The following BNC2 variants were observed in gnomAD, a reference collection of about 807,000 sequenced individuals.
BNC2 encodes zinc finger protein basonuclin-2.
A neutral mutation model predicts 76.3 loss-of-function variants in BNC2; 20 were observed. That is an observed-to-expected ratio of 0.26 (90% CI 0.18 to 0.38). The LOEUF is 0.38. BNC2 is among the 10% of genes least tolerant of loss of function. BNC2 has a pLI of 1.00. For synonymous variants in BNC2, 582 were observed against 514.8 expected (o/e 1.13, Z -1.77); for missense variants, 1,382 against 1,399.8 (o/e 0.99, Z 0.20).
At chr9:16,425,066 A>C (rs768612820) in intron 6 of BNC2, among the ~76,000 whole-genome samples, 6 of 152,196 alleles carry the variant, frequency 3.9e-5, no homozygotes. Flanking sequence ...AACACTCAAA[A>C]AGCCCCAAAT....
intron 6 of BNC2, among the ~76,000 whole-genome samples, chr9:16,422,943 G>A (rs1372317293): frequency 6.6e-6 from 1 of 152,150 alleles, no homozygotes; most frequent in Non-Finnish European, 1.5e-5. Flanking sequence ...AAGTTTATCC[G>A]GATCAGCAAA....
chr9:16,642,247 A>G (rs1821510374), intron 3 of BNC2, among the ~76,000 whole-genome samples: 1 of 152,180 alleles, frequency 6.6e-6, no homozygotes, highest in Admixed American at 6.5e-5. Flanking sequence ...AAGGAAAAGG[A>G]GAAAGAAAAC....
At position 16,463,733 on chromosome 9, in the gene BNC2, T is replaced by C. The variant is rs147922774; in HGVS notation, c.670-26209A>G. Among the ~76,000 whole-genome samples, 31 of 152,134 alleles carry C rather than the reference T, an allele frequency of 2.0e-4. No individual in the cohort carries two copies. In the East Asian group the frequency reaches 5.8e-3, roughly 29 times the overall value. On this transcript the variant is annotated intron_variant, in intron 5 of 6. Coordinates refer to ENST00000380672, the MANE Select transcript of BNC2 (RefSeq NM_017637.6). ...TGATAGGAGATTATTTTCTAATTCCTCCTCCAACTACAAAATTCACAACTG... is the reference window on the plus strand; with the variant it reads ...TGATAGGAGATTATTTTCTAATTCCCCCTCCAACTACAAAATTCACAACTG...
At chr9:16,754,398 ACAAACTTG>A (rs777173679) in intron 1 of BNC2, among the ~76,000 whole-genome samples, 8 of 152,198 alleles carry the variant, frequency 5.3e-5, no homozygotes, top group Non-Finnish European at 1.5e-5. Flanking sequence ...CCCCAACCCA[ACAAACTTG>A]CAAACTGACC....
rs1045497079 is a variant in BNC2, at chr9:16,788,394, A to C, written c.4-49909T>G. ...TGGTGAAACCCCGTCTCTACCAAAA[A>C]TACAAAAAATTAGCCGGGCGTGGTG... On this transcript the variant is annotated intron_variant, in intron 1 of 6. Transcript: ENST00000380672. Among the ~76,000 whole-genome samples the C allele has an allele frequency of 3.9e-5, 6 of 151,954 alleles. No homozygotes were observed. In the South Asian group the frequency reaches 1.2e-3, roughly 32 times the overall value.
intron 5 of BNC2, among the ~76,000 whole-genome samples, chr9:16,513,699 C>G (rs914265962): frequency 9.2e-5 from 14 of 152,132 alleles, no homozygotes; most frequent in Admixed American, 5.9e-4. Context: ...TTGAAAGATG[C>G]TAGTTTCATT....
intron 1 of BNC2, among the ~76,000 whole-genome samples, chr9:16,771,450 C>G (rs1193748935): frequency 6.6e-6 from 1 of 152,202 alleles, no homozygotes; most frequent in African/African-American, 2.4e-5. Flanking sequence ...TCATTAAATA[C>G]TGCTATATGG....
chr9:16,617,132 C>T (rs1457541403), intron 3 of BNC2, among the ~76,000 whole-genome samples: 1 of 152,156 alleles, frequency 6.6e-6, no homozygotes, highest in African/African-American at 2.4e-5. Context: ...GGGTCATGAT[C>T]ATCATCGATA....
intron 1 of BNC2, among the ~76,000 whole-genome samples, chr9:16,830,157 C>T (rs891362692): frequency 2.0e-5 from 3 of 152,126 alleles, no homozygotes; most frequent in Non-Finnish European, 4.4e-5. Context: ...AATTATATTT[C>T]AATAAAATAT....
intron 5 of BNC2, among the ~76,000 whole-genome samples, chr9:16,522,432 G>A (rs980693485): frequency 6.6e-6 from 1 of 152,128 alleles, no homozygotes; most frequent in African/African-American, 2.4e-5. Flanking sequence ...TCGGGTTTTT[G>A]TTCCATGTAA....
At chr9:16,843,335 C>A (rs1818881310) in intron 1 of BNC2, among the ~76,000 whole-genome samples, 1 of 152,126 alleles carries the variant, frequency 6.6e-6, no homozygotes, top group African/African-American at 2.4e-5. Flanking sequence ...AGATACATTC[C>A]TTTTTTGTGT....
intron 3 of BNC2, among the ~76,000 whole-genome samples, chr9:16,663,657 A>G (rs1822180245): frequency 6.6e-6 from 1 of 152,210 alleles, no homozygotes; most frequent in Admixed American, 6.5e-5. Flanking sequence ...AAAAAACACA[A>G]AAGAGCATTT....
chr9:16,778,525 A>G (rs931246506), intron 1 of BNC2, among the ~76,000 whole-genome samples: 3 of 152,266 alleles, frequency 2.0e-5, no homozygotes, highest in Non-Finnish European at 4.4e-5. Context: ...CAATCTATTA[A>G]GCACATATTA....
At chr9:16,829,576 C>T (rs987267692) in intron 1 of BNC2, among the ~76,000 whole-genome samples, 5 of 152,172 alleles carry the variant, frequency 3.3e-5, no homozygotes, top group Admixed American at 2.6e-4. Context: ...AAAACACATT[C>T]TCACCTTAGT....
intron 3 of BNC2, among the ~76,000 whole-genome samples, chr9:16,643,108 G>A (rs1821533184): frequency 1.3e-5 from 2 of 152,042 alleles, no homozygotes; most frequent in African/African-American, 2.4e-5. Context: ...TCACAGACCT[G>A]TCTTTTCTAT....
chr9:16,461,533 T>C (rs1821580584), intron 5 of BNC2, among the ~76,000 whole-genome samples: 1 of 149,792 alleles, frequency 6.7e-6, no homozygotes, highest in Non-Finnish European at 1.5e-5. Context: ...CTTAGACTCT[T>C]AATCTACTAT....
intron 3 of BNC2, among the ~76,000 whole-genome samples, chr9:16,617,804 C>T (rs1264908593): frequency 6.6e-6 from 1 of 152,228 alleles, no homozygotes; most frequent in Non-Finnish European, 1.5e-5. Flanking sequence ...TTAACTTCAG[C>T]TATGCAGGAA....
chr9:16,420,610 C>A (rs761346420), intron 6 of BNC2, among the ~76,000 whole-genome samples: 1 of 151,868 alleles, frequency 6.6e-6, no homozygotes, highest in Non-Finnish European at 1.5e-5. Flanking sequence ...CAACTGGAAC[C>A]CATACTTCTT....
chr9:16,654,519 A>C (rs1332859252), intron 3 of BNC2, among the ~76,000 whole-genome samples: 2 of 152,238 alleles, frequency 1.3e-5, no homozygotes, highest in African/African-American at 4.8e-5. Flanking sequence ...ACCAAAAGAC[A>C]GCTATTAATT....
Sources: gnomAD v4.1 joint callset for allele counts (sites outside exome capture counted in the v4.1 genomes callset) on GRCh38, gnomAD v4.1.1 for gene constraint, MANE v1.5 for transcripts, NCBI Gene and HGNC (gene_info 2026-07-23, HGNC 2026-07-21) for gene names.